Variants in ANK2 observed in about 807,000 individuals in gnomAD.
ANK2 encodes ankyrin 2, also known as ankyrin-2.
In ANK2, 83 loss-of-function variants were observed where a neutral mutation model predicts 360.5. The ratio of observed to expected loss-of-function variants is 0.23; its 90% CI spans 0.19 to 0.28. ANK2 has a LOEUF of 0.28. Among genes scored for constraint, ANK2 ranks in the 10% least tolerant of loss-of-function variants. ANK2 has a pLI of 1.00. For missense variants in ANK2, 4,201 were observed against 4,795.7 expected, an observed-to-expected ratio of 0.88 and a Z score of 3.66; for synonymous variants, 1,740 against 1,759.5, an observed-to-expected ratio of 0.99 and a Z score of 0.28.
intron 14 of ANK2, among the ~76,000 whole-genome samples, chr4:113,268,894 G>A (rs1011658097): frequency 6.6e-6 from 1 of 152,080 alleles, no homozygotes; most frequent in East Asian, 1.9e-4. Flanking sequence ...TTTTTTGGTT[G>A]GTAGGCTAAT....
At chr4:112,724,783 T>C in the ANK2 span, among the ~76,000 whole-genome samples, 1 of 152,202 alleles carries the variant, frequency 6.6e-6, no homozygotes, top group East Asian at 1.9e-4. Flanking sequence ...TGCTCTATGA[T>C]CTAGCAGTCC....
At chr4:113,183,404 A>G (rs1241908671) in intron 2 of ANK2, among the ~76,000 whole-genome samples, 1 of 152,156 alleles carries the variant, frequency 6.6e-6, no homozygotes, top group East Asian at 1.9e-4. Flanking sequence ...AGCTACATTC[A>G]GACATGGGAT....
the ANK2 span, among the ~76,000 whole-genome samples, chr4:112,743,513 CCTTCCTTTCTTT>C: frequency 6.9e-6 from 1 of 144,902 alleles, no homozygotes; most frequent in African/African-American, 2.5e-5. Context: ...TTCCTTCCTT[CCTTCCTTTCTTT>C]CTTTCTGTCT....
At chr4:112,788,407 G>A in the ANK2 span, 10 of 1,592,238 alleles carry the variant, frequency 6.3e-6, no homozygotes, top group East Asian at 2.2e-5. Context: ...GATCCACGTC[G>A]GGTGCAATCA....
intron 1 of ANK2, among the ~76,000 whole-genome samples, chr4:113,130,263 GC>G (rs893318181): frequency 6.6e-6 from 1 of 152,016 alleles, no homozygotes; most frequent in African/African-American, 2.4e-5. Flanking sequence ...TCCTAAAAAG[GC>G]ACTCCATTTC....
Position 113,357,613 on chromosome 4 carries a change from C to G in ANK2, c.8995C>G (p.Gln2999Glu). 6.2e-7 allele frequency: 1 copy of G among 1,614,134 alleles called. No individual in the cohort carries two copies. Among genetic ancestry groups the G allele is most frequent in the Non-Finnish European group, 8.5e-7 (1 of 1,179,982 alleles). Residue 2999 changes from glutamine to glutamate, a missense_variant, in exon 38 of 46, where the codon CAG becomes GAG. This residue lies in a region of ANK2 where 2,642 missense variants were observed against 2,714.5 expected (regional missense o/e 0.97). Coordinates refer to ENST00000357077, the MANE Select transcript of ANK2 (RefSeq NM_001148.6). The part of the protein sequence containing the change: ...EGQDIKMESQ[Q>E]ESTLWEMQSD... ...CCAGGACATAAAAATGGAATCCCAA[C>G]AGGAAAGTACCTTGTGGGAAATGCA...
At chr4:112,808,732 A>G in the ANK2 span, among the ~76,000 whole-genome samples, 1 of 152,228 alleles carries the variant, frequency 6.6e-6, no homozygotes, top group Admixed American at 6.5e-5. Flanking sequence ...CATAGGCTAT[A>G]ATGATTAAAT....
At chr4:113,093,120 A>G (rs2089361181) in intron 1 of ANK2, among the ~76,000 whole-genome samples, 2 of 152,220 alleles carry the variant, frequency 1.3e-5, no homozygotes, top group African/African-American at 4.8e-5. Flanking sequence ...ATATAGATTT[A>G]TAGAACTGGC....
At chr4:112,827,420 C>T in intron 1 of ANK2, 2 of 1,381,960 alleles carry the variant, frequency 1.4e-6, no homozygotes, top group Non-Finnish European at 2.1e-6. Flanking sequence ...AAGAAGAGAC[C>T]ACTAGAACTT....
chr4:113,193,578 C>A (rs1369587483), intron 2 of ANK2, among the ~76,000 whole-genome samples: 2 of 152,166 alleles, frequency 1.3e-5, no homozygotes, highest in Non-Finnish European at 2.9e-5. Flanking sequence ...TAGATTATTT[C>A]TTTTGCCAAT....
intron 1 of ANK2, among the ~76,000 whole-genome samples, chr4:112,858,560 TCA>T (rs2067025783): frequency 2.6e-5 from 4 of 152,198 alleles, no homozygotes; most frequent in Non-Finnish European, 5.9e-5. Flanking sequence ...GCAAATAATA[TCA>T]AAGTCCTTTA....
chr4:113,152,647 G>A (rs988974641), intron 1 of ANK2, among the ~76,000 whole-genome samples: 1 of 151,926 alleles, frequency 6.6e-6, no homozygotes. Context: ...AGAAGTATAC[G>A]TGTAATTCCA....
chr4:113,043,296 G>C (rs190707769), intron 2 of ANK2, among the ~76,000 whole-genome samples: 18 of 152,182 alleles, frequency 1.2e-4, no homozygotes, highest in African/African-American at 4.3e-4. Flanking sequence ...AGTCCTTCCA[G>C]GTCTTCTATG....
At position 113,330,283 on chromosome 4, in the gene ANK2, G is replaced by A. The variant is rs775277756; in HGVS notation, c.2938G>A (p.Ala980Thr). ...TTTTATGGTGGATGCCCGAGGTGGTGCTATGCGAGGATGCAGACACAATGG... is the reference window on the plus strand; with the variant it reads ...TTTTATGGTGGATGCCCGAGGTGGTACTATGCGAGGATGCAGACACAATGG... The part of the protein sequence containing the change: ...VSFMVDARGG[A>T]MRGCRHNGLR... Residue 980 changes from alanine (A) to threonine (T), a missense_variant, in exon 27 of 46, where the codon GCT becomes ACT. Around this residue, in one of 4 missense-constraint regions of ANK2, gnomAD observed 1,268 missense variants for 1,650.8 expected, o/e 0.77. Coordinates refer to ENST00000357077, the MANE Select transcript of ANK2 (RefSeq NM_001148.6). The A allele has an allele frequency of 1.2e-6, 2 of 1,614,178 alleles. No individual in the cohort carries two copies. The highest frequency in any genetic ancestry group is 1.7e-6 in the Non-Finnish European group (2 of 1,180,016).
chr4:113,285,384 A>G (rs2064046546), intron 18 of ANK2, among the ~76,000 whole-genome samples: 2 of 152,164 alleles, frequency 1.3e-5, no homozygotes, highest in South Asian at 4.1e-4. Context: ...ACAGACACCA[A>G]TCACAAGTCT....
chr4:112,924,548 T>G (rs1367864638), intron 2 of ANK2, among the ~76,000 whole-genome samples: 1 of 151,996 alleles, frequency 6.6e-6, no homozygotes, highest in African/African-American at 2.4e-5. Context: ...ATAAAATATT[T>G]AATAATAAGG....
chr4:112,794,644 A>G, the ANK2 span, among the ~76,000 whole-genome samples: 29 of 152,144 alleles, frequency 1.9e-4, no homozygotes, highest in Non-Finnish European at 4.1e-4. Flanking sequence ...TTTTGAGCCA[A>G]GGGAGGTACT....
chr4:113,301,296 G>A (rs17591736), intron 22 of ANK2, among the ~76,000 whole-genome samples: 13,283 of 151,060 alleles, frequency 0.088, 973 homozygotes, highest in Admixed American at 0.2. Context: ...TATGTTTTTG[G>A]GGTACACATA....
chr4:113,249,886 G>T (rs2045200858), intron 10 of ANK2, 24 bp downstream of exon 10: 1 of 1,596,682 alleles, frequency 6.3e-7, no homozygotes, highest in Non-Finnish European at 8.6e-7. Flanking sequence ...AGTAAGATGG[G>T]GTCCTAAGAA....
Sources: gnomAD v4.1 joint callset for allele counts (sites outside exome capture counted in the v4.1 genomes callset) on GRCh38, gnomAD v4.1.1 for gene constraint, gnomAD v4.1.1 regional missense constraint, MANE v1.5 for transcripts, NCBI Gene and HGNC (gene_info 2026-07-23, HGNC 2026-07-21) for gene names.